Variants in PFKFB3 observed in about 807,000 individuals in gnomAD.
PFKFB3 encodes the protein 6-phosphofructo-2-kinase/fructose-2,6-biphosphatase 3.
In PFKFB3, 33 loss-of-function variants were observed where a neutral mutation model predicts 68.0. The ratio of observed to expected loss-of-function variants is 0.49; its 90% CI spans 0.37 to 0.65. The LOEUF (loss-of-function observed/expected upper bound fraction) is 0.65, where lower values mean the gene tolerates loss of function less well. PFKFB3 is among the 30% of genes least tolerant of loss of function. The pLI, the probability that PFKFB3 is intolerant of heterozygous loss-of-function variation, is 0.00. For synonymous variants in PFKFB3, 315 were observed against 288.2 expected, an observed-to-expected ratio of 1.09 and a Z score of -0.94; for missense variants, 586 against 712.2, an observed-to-expected ratio of 0.82 and a Z score of 2.02.
chr10:6,238,398 C>T (rs950733576), downstream of PFKFB3, among the ~76,000 whole-genome samples: 2 of 142,214 alleles, frequency 1.4e-5, no homozygotes, highest in African/African-American at 2.7e-5. Flanking sequence ...CTCCTGAACT[C>T]GGGTGATCTA....
chr10:6,198,892 G>A (rs1843245490), upstream of PFKFB3, among the ~76,000 whole-genome samples: 1 of 152,184 alleles, frequency 6.6e-6, no homozygotes, highest in African/African-American at 2.4e-5. Context: ...GGACATCTTG[G>A]TTGTTTCCAT....
Position 6,220,440 on chromosome 10 carries a change from C to T in PFKFB3, c.624-218C>T, listed in dbSNP as rs1166960895. ...CTCCATTTTCTTTCTTTTTTCTCCC[C>T]CTTTTCTGGGAGGCAGGCCAGCCTC... is the stretch of plus-strand genomic sequence containing the variant. On this transcript the variant is annotated intron_variant, in intron 7 of 14. Coordinates refer to ENST00000379775, the MANE Select transcript of PFKFB3 (RefSeq NM_004566.4). The surrounding 1 kb of genome is among the most constrained non-coding windows in gnomAD (Gnocchi z 4.1). 6.6e-6 allele frequency among the ~76,000 whole-genome samples: 1 copy of T among 152,160 alleles called. No homozygotes were observed. The highest frequency in any genetic ancestry group is 1.5e-5 in the Non-Finnish European group (1 of 68,028).
the PFKFB3 span, among the ~76,000 whole-genome samples, chr10:6,265,224 G>T: frequency 6.6e-6 from 1 of 151,838 alleles, no homozygotes; most frequent in African/African-American, 2.4e-5. Flanking sequence ...GGGACTACAG[G>T]TGCATGCCAC....
chr10:6,302,789 T>TAC, the PFKFB3 span, among the ~76,000 whole-genome samples: 40 of 116,756 alleles, frequency 3.4e-4, no homozygotes, highest in Non-Finnish European at 1.3e-4. Context: ...CATATACACA[T>TAC]ACACATATAT....
the PFKFB3 span, among the ~76,000 whole-genome samples, chr10:6,276,746 T>A: frequency 1.3e-5 from 2 of 152,126 alleles, no homozygotes; most frequent in South Asian, 4.1e-4. Flanking sequence ...TTTCTCCCAA[T>A]GTGACATCTT....
intron 14 of PFKFB3, among the ~76,000 whole-genome samples, chr10:6,248,157 T>A (rs1292458936): frequency 6.6e-6 from 1 of 152,202 alleles, no homozygotes; most frequent in Non-Finnish European, 1.5e-5. Flanking sequence ...ACTGACCTTT[T>A]CTTTCACTGT....
At chr10:6,283,643 A>G in the PFKFB3 span, among the ~76,000 whole-genome samples, 1 of 152,210 alleles carries the variant, frequency 6.6e-6, no homozygotes, top group African/African-American at 2.4e-5. Flanking sequence ...AGCTGTAGCC[A>G]TATCAGACCA....
chr10:6,235,771 C>CTT (rs55776515), downstream of PFKFB3, among the ~76,000 whole-genome samples: 1 of 135,408 alleles, frequency 7.4e-6, no homozygotes, highest in South Asian at 2.4e-4. Flanking sequence ...TCTTTTTTTT[C>CTT]TTTTTTTTTT....
chr10:6,146,825 G>A (rs147089229), intron 1 of PFKFB3, among the ~76,000 whole-genome samples: 124 of 152,338 alleles, frequency 8.1e-4, no homozygotes, highest in Admixed American at 2.0e-3. Flanking sequence ...GCCAACCAAG[G>A]TAAGCTTTGG....
At chr10:6,248,929 T>C (rs1246557820) in intron 14 of PFKFB3, among the ~76,000 whole-genome samples, 2 of 152,062 alleles carry the variant, frequency 1.3e-5, no homozygotes, top group African/African-American at 4.8e-5. Context: ...ATCCCAGCAC[T>C]TTGGGAGGCC....
chr10:6,223,223 A>C (rs1845088549), intron 11 of PFKFB3, among the ~76,000 whole-genome samples: 1 of 152,128 alleles, frequency 6.6e-6, no homozygotes, highest in South Asian at 2.1e-4. Context: ...ATTGCTTCAT[A>C]AACAGCTCCC....
At chr10:6,322,280 A>ACATTCGG in the PFKFB3 span, among the ~76,000 whole-genome samples, 66 of 151,950 alleles carry the variant, frequency 4.3e-4, no homozygotes, top group African/African-American at 1.5e-3. Flanking sequence ...TTTCCTTTAC[A>ACATTCGG]CATTCGGCAT....
the PFKFB3 span, among the ~76,000 whole-genome samples, chr10:6,311,706 A>C: frequency 0.016 from 2,494 of 152,178 alleles, 38 homozygotes; most frequent in Middle Eastern, 0.044. Context: ...CCAAGATTGC[A>C]CCACTGCACG....
intron 1 of PFKFB3, among the ~76,000 whole-genome samples, chr10:6,197,000 T>TTATTATTATTATTA (rs763926675): frequency 6.6e-6 from 1 of 151,482 alleles, no homozygotes; most frequent in African/African-American, 2.4e-5. Context: ...TATTATTATT[T>TTATTATTATTATTA]TTGAGACAGA....
the PFKFB3 span, among the ~76,000 whole-genome samples, chr10:6,260,425 A>G: frequency 1.3e-5 from 2 of 151,844 alleles, no homozygotes; most frequent in African/African-American, 4.8e-5. Flanking sequence ...AAAAAAAAAA[A>G]AAAAAAAAAA....
intron 2 of PFKFB3, 37 bp downstream of exon 2, chr10:6,213,785 C>T (rs781524383): frequency 2.5e-6 from 4 of 1,598,076 alleles, no homozygotes; most frequent in African/African-American, 1.3e-5. Flanking sequence ...CCTGCTCGTG[C>T]AAAAACTTGA....
chr10:6,257,839 C>T (rs978720520), downstream of PFKFB3, among the ~76,000 whole-genome samples: 3 of 152,152 alleles, frequency 2.0e-5, no homozygotes, highest in Non-Finnish European at 4.4e-5. Flanking sequence ...CTGGCACCCA[C>T]CTGATCCCCA....
intron 1 of PFKFB3, among the ~76,000 whole-genome samples, chr10:6,206,454 A>C (rs1297348406): frequency 2.6e-5 from 3 of 116,266 alleles, no homozygotes; most frequent in African/African-American, 3.6e-5. Context: ...GCCCGTTCTC[A>C]ATGAGCTGTT....
chr10:6,188,864 T>C (rs1177924896), intron 1 of PFKFB3, among the ~76,000 whole-genome samples: 3 of 145,848 alleles, frequency 2.1e-5, no homozygotes, highest in Non-Finnish European at 4.5e-5. Flanking sequence ...AGACGGAGTC[T>C]CGCTCTGTCC....
Sources: allele counts gnomAD v4.1 joint callset (sites outside exome capture counted in the v4.1 genomes callset), GRCh38; gene constraint gnomAD v4.1.1; non-coding constraint Gnocchi (gnomAD v3.1); transcripts MANE v1.5; gene names NCBI Gene and HGNC (gene_info 2026-07-23, HGNC 2026-07-21).